The following VAV3 variants were observed in gnomAD, a reference collection of about 807,000 sequenced individuals.
The protein encoded by VAV3 is guanine nucleotide exchange factor VAV3.
Under a neutral mutation model 131.2 loss-of-function variants are expected in VAV3, and 94 were observed. The ratio of observed to expected loss-of-function variants is 0.72; its 90% CI spans 0.61 to 0.85. VAV3 has a LOEUF of 0.85. Ranked by LOEUF, VAV3 falls within the 40% of genes least tolerant of loss-of-function variation. The pLI, the probability that VAV3 is intolerant of heterozygous loss-of-function variation, is 0.00. For synonymous variants in VAV3, 349 were observed against 342.0 expected (o/e 1.02, Z -0.22); for missense variants, 939 against 1,002.7 (o/e 0.94, Z 0.86).
intron 1 of VAV3, among the ~76,000 whole-genome samples, chr1:107,952,417 G>A (rs111594503): frequency 0.09 from 12,748 of 142,206 alleles, 1,189 homozygotes; most frequent in African/African-American, 0.23. Flanking sequence ...CATGACACAC[G>A]TTTACCTATG....
intron 15 of VAV3, among the ~76,000 whole-genome samples, chr1:107,720,881 G>T (rs538222818): frequency 1.3e-5 from 2 of 152,322 alleles, no homozygotes; most frequent in South Asian, 4.1e-4. Context: ...TCTCAGTGGA[G>T]ACCAAAATGC....
intron 20 of VAV3, among the ~76,000 whole-genome samples, chr1:107,618,214 G>A (rs1402356953): frequency 6.6e-6 from 1 of 152,136 alleles, no homozygotes; most frequent in African/African-American, 2.4e-5. Flanking sequence ...CAGTCTGGGG[G>A]TTGGGGACAC....
At chr1:107,723,100 A>G (rs1661601217) in intron 15 of VAV3, among the ~76,000 whole-genome samples, 1 of 152,116 alleles carries the variant, frequency 6.6e-6, no homozygotes, top group Non-Finnish European at 1.5e-5. Flanking sequence ...TCTGTATCCA[A>G]CTTGAGGACA....
chr1:107,923,627 A>T (rs185607384), intron 1 of VAV3, among the ~76,000 whole-genome samples: 2 of 152,106 alleles, frequency 1.3e-5, no homozygotes, highest in African/African-American at 4.8e-5. Flanking sequence ...CCTTCTTTAC[A>T]TGGTGTCAGG....
chr1:107,731,004 T>A (rs931306308), intron 15 of VAV3, among the ~76,000 whole-genome samples: 2 of 152,172 alleles, frequency 1.3e-5, no homozygotes, highest in Non-Finnish European at 2.9e-5. Flanking sequence ...CTTAGCTACC[T>A]CACCAGACTC....
chr1:107,954,605 G>C (rs1196279355), intron 1 of VAV3, among the ~76,000 whole-genome samples: 1 of 147,102 alleles, frequency 6.8e-6, no homozygotes, highest in Non-Finnish European at 1.5e-5. Context: ...GCATGATCTT[G>C]GATCACTGCA....
intron 20 of VAV3, among the ~76,000 whole-genome samples, chr1:107,634,742 C>T (rs1165963069): frequency 5.3e-5 from 8 of 151,010 alleles, no homozygotes; most frequent in Admixed American, 4.6e-4. Context: ...GGGCTAATAT[C>T]CAGAATCTAC....
intron 2 of VAV3, among the ~76,000 whole-genome samples, chr1:107,867,080 G>A (rs1028218943): frequency 2.8e-4 from 42 of 152,210 alleles, no homozygotes; most frequent in African/African-American, 8.9e-4. Flanking sequence ...GGACTTTTCA[G>A]TTCCTTTACT....
chr1:107,876,747 A>G (rs1670518565), intron 1 of VAV3, among the ~76,000 whole-genome samples: 1 of 152,194 alleles, frequency 6.6e-6, no homozygotes, highest in Admixed American at 6.5e-5. Flanking sequence ...AGTGGCACAT[A>G]TTTTTTTAAA....
intron 22 of VAV3, among the ~76,000 whole-genome samples, chr1:107,605,064 G>A (rs1003425201): frequency 6.6e-6 from 1 of 151,966 alleles, no homozygotes; most frequent in African/African-American, 2.4e-5. Context: ...GTTTTGGCAG[G>A]GTGTTCATTC....
chr1:107,738,193 T>C (rs1475446276), intron 15 of VAV3, among the ~76,000 whole-genome samples: 2 of 151,894 alleles, frequency 1.3e-5, no homozygotes, highest in Admixed American at 1.3e-4. Context: ...CATCACACAC[T>C]GGGGCCCATC....
chr1:107,651,210 G>A (rs1299496533), intron 19 of VAV3, among the ~76,000 whole-genome samples: 1 of 152,112 alleles, frequency 6.6e-6, no homozygotes, highest in Non-Finnish European at 1.5e-5. Context: ...ACTGTCAGCT[G>A]TCATTTATAA....
chr1:107,929,379 C>T (rs1673315476), intron 1 of VAV3, among the ~76,000 whole-genome samples: 1 of 150,836 alleles, frequency 6.6e-6, no homozygotes, highest in South Asian at 2.1e-4. Flanking sequence ...CTTTCTCATA[C>T]AAACAAAAGC....
At chr1:107,759,556 A>C (rs1434397927) in intron 10 of VAV3, among the ~76,000 whole-genome samples, 1 of 152,150 alleles carries the variant, frequency 6.6e-6, no homozygotes, top group East Asian at 1.9e-4. Flanking sequence ...TGAGAGGGAA[A>C]AACATTTCTA....
chr1:107,751,989 A>G (rs1354656990), intron 12 of VAV3, among the ~76,000 whole-genome samples: 1 of 152,242 alleles, frequency 6.6e-6, no homozygotes, highest in African/African-American at 2.4e-5. Flanking sequence ...AGAAAATTCC[A>G]TTCTAAAATT....
intron 9 of VAV3, among the ~76,000 whole-genome samples, chr1:107,761,318 G>A (rs34803837): frequency 0.21 from 31,279 of 150,678 alleles, 3,335 homozygotes; most frequent in East Asian, 0.36. Flanking sequence ...GAGTGAACCC[G>A]GGAGGCGGAG....
intron 2 of VAV3, among the ~76,000 whole-genome samples, chr1:107,807,801 T>C (rs1408423422): frequency 6.6e-6 from 1 of 152,222 alleles, no homozygotes; most frequent in Non-Finnish European, 1.5e-5. Context: ...CAATATAACA[T>C]GCTTGTTAGA....
At chr1:107,672,296 A>C (rs1657875796) in intron 19 of VAV3, 1 of 151,454 alleles carries the variant, frequency 6.6e-6, no homozygotes, top group Non-Finnish European at 1.5e-5. Context: ...AAAAAAGATA[A>C]ATTTAAATTC....
At chr1:107,884,605 C>G (rs1670943522) in intron 1 of VAV3, among the ~76,000 whole-genome samples, 1 of 151,374 alleles carries the variant, frequency 6.6e-6, no homozygotes, top group South Asian at 2.1e-4. Context: ...ACCACCATGC[C>G]TCACAAATTT....
Sources: allele counts gnomAD v4.1 joint callset (sites outside exome capture counted in the v4.1 genomes callset), GRCh38; gene constraint gnomAD v4.1.1; transcripts MANE v1.5; gene names NCBI Gene and HGNC (gene_info 2026-07-23, HGNC 2026-07-21).